The following CARNMT1 variants were observed in gnomAD, a reference collection of about 807,000 sequenced individuals.
CARNMT1 encodes the protein protein-L-histidine N-pros-methyltransferase CARNMT1.
In CARNMT1, 28 loss-of-function variants were observed where a neutral mutation model predicts 49.6. That is an observed-to-expected ratio of 0.56 (90% CI 0.42 to 0.77). CARNMT1 has a LOEUF of 0.77. Among genes scored for constraint, CARNMT1 ranks in the 30% least tolerant of loss-of-function variants. CARNMT1 has a pLI of 0.00. For synonymous variants in CARNMT1, 178 were observed against 175.0 expected, an observed-to-expected ratio of 1.02 and a Z score of -0.13; for missense variants, 421 against 512.6, an observed-to-expected ratio of 0.82 and a Z score of 1.73.
chr9:75,009,437 T>C (rs1466033426), intron 3 of CARNMT1, among the ~76,000 whole-genome samples: 6 of 152,022 alleles, frequency 3.9e-5, no homozygotes, highest in Non-Finnish European at 8.8e-5. Flanking sequence ...AAGTAACCCA[T>C]ACCAAGTATT....
chr9:75,014,611 A>G (rs1833791568), intron 3 of CARNMT1, among the ~76,000 whole-genome samples: 1 of 152,200 alleles, frequency 6.6e-6, no homozygotes, highest in Non-Finnish European at 1.5e-5. Flanking sequence ...TGGTGAATTC[A>G]AGTAAAAAGT....
chr9:75,027,868 G>C, intron 1 of CARNMT1, 144 bp downstream of exon 1: 1 of 919,750 alleles, frequency 1.1e-6, no homozygotes. Flanking sequence ...AGGTGACTCG[G>C]GGCCCGGAGG....
chr9:75,028,427 A>G (rs1365448669), upstream of CARNMT1: 10 of 1,279,372 alleles, frequency 7.8e-6, no homozygotes, highest in Non-Finnish European at 9.8e-6. Context: ...GGGCTCCCAG[A>G]ACCAATGCGC....
chr9:75,003,146 GACA>G (rs926547322), intron 3 of CARNMT1, among the ~76,000 whole-genome samples: 1 of 152,094 alleles, frequency 6.6e-6, no homozygotes, highest in Non-Finnish European at 1.5e-5. Context: ...ATTTCAGCCA[GACA>G]ACTTCTCACT....
At chr9:75,007,738 AAAATAAT>A (rs1475505450) in intron 3 of CARNMT1, among the ~76,000 whole-genome samples, 2 of 148,272 alleles carry the variant, frequency 1.3e-5, no homozygotes, top group Admixed American at 6.7e-5. Context: ...CAAAAAAATA[AAAATAAT>A]AAAAAAAAAA....
intron 1 of CARNMT1, among the ~76,000 whole-genome samples, chr9:75,023,594 T>C (rs1369832480): frequency 6.6e-6 from 1 of 152,212 alleles, no homozygotes; most frequent in Non-Finnish European, 1.5e-5. Context: ...TTAAAATAGG[T>C]GGGATCTTAC....
At chr9:74,989,502 T>G (rs1431120425) in intron 6 of CARNMT1, among the ~76,000 whole-genome samples, 4 of 152,156 alleles carry the variant, frequency 2.6e-5, no homozygotes, top group African/African-American at 9.7e-5. Flanking sequence ...CTTTAAAGAA[T>G]TTTTTTAATC....
At chr9:75,006,979 C>T (rs890874003) in intron 3 of CARNMT1, among the ~76,000 whole-genome samples, 6 of 152,078 alleles carry the variant, frequency 3.9e-5, no homozygotes, top group African/African-American at 1.4e-4. Context: ...TGAGTATAAA[C>T]AAAGTCATGT....
intron 1 of CARNMT1, among the ~76,000 whole-genome samples, chr9:75,026,139 TAA>T (rs1007683022): frequency 2.6e-5 from 4 of 152,132 alleles, no homozygotes; most frequent in African/African-American, 9.7e-5. Flanking sequence ...TATATACAAA[TAA>T]AAACTGTTTT....
upstream of CARNMT1, chr9:75,028,296 G>C (rs1174439828): frequency 7.5e-7 from 1 of 1,334,960 alleles, no homozygotes; most frequent in Non-Finnish European, 9.5e-7. Context: ...CCGACAGCGT[G>C]GTGGCGGCTG....
chr9:74,991,452 G>A (rs1301446218), intron 6 of CARNMT1, among the ~76,000 whole-genome samples: 2 of 151,968 alleles, frequency 1.3e-5, no homozygotes, highest in Non-Finnish European at 2.9e-5. Flanking sequence ...ACCTTGGTAC[G>A]TTTTATAGGC....
chr9:75,013,961 A>G (rs938596386), intron 3 of CARNMT1, among the ~76,000 whole-genome samples: 1 of 148,380 alleles, frequency 6.7e-6, no homozygotes, highest in Non-Finnish European at 1.5e-5. Flanking sequence ...ACAGAGCAAC[A>G]CTTTGTGTCA....
chr9:75,019,278 T>C (rs1833935495), intron 1 of CARNMT1, among the ~76,000 whole-genome samples: 1 of 152,210 alleles, frequency 6.6e-6, no homozygotes, highest in African/African-American at 2.4e-5. Flanking sequence ...AACCTGACTC[T>C]GGTATGGCAT....
chr9:75,028,365 C>A (rs1428814952), upstream of CARNMT1: 5 of 1,301,342 alleles, frequency 3.8e-6, no homozygotes, highest in African/African-American at 3.1e-5. Flanking sequence ...CGGCGCGCTC[C>A]GCCCCCGCCA....
rs1347325032 is a variant in CARNMT1 at position 74,982,222 on chromosome 9, T to A, written c.*1545A>T. 7.2e-5 allele frequency: 11 copies of A among 152,200 alleles called. No individual in the cohort carries two copies. The highest frequency in any genetic ancestry group is 7.2e-4 in the Admixed American group (11 of 15,280). 9.4% of individuals were successfully genotyped at this position (152,200 alleles called of 1,614,324 possible). ...CAACAAAGGTCTAAAGATTTACAAG[T>A]AACTTTTCCTATTAAAACATGACAT... On this transcript the variant is annotated 3_prime_UTR_variant, in exon 8 of 8. Coordinates refer to ENST00000376834, the MANE Select transcript of CARNMT1 (RefSeq NM_152420.3).
In CARNMT1 at chr9:74,986,620, C is replaced by T. The variant is rs142801080; in HGVS notation, c.1025-1610G>A. On this transcript the variant is annotated intron_variant, in intron 6 of 7. Coordinates refer to ENST00000376834, the MANE Select transcript of CARNMT1 (RefSeq NM_152420.3). Reference sequence around the variant, plus strand: ...AACATAGTTTTATTATCTCTACATACATACATATATTCCAATGATTTTTAC... The same window carrying T: ...AACATAGTTTTATTATCTCTACATATATACATATATTCCAATGATTTTTAC... Among the ~76,000 whole-genome samples the T allele has an allele frequency of 6.3e-3, 957 of 152,286 alleles. 8 individuals carry two copies. The highest frequency in any genetic ancestry group is 0.022 in the African/African-American group (910 of 41,564).
chr9:75,005,810 G>A (rs1490845922), intron 3 of CARNMT1, among the ~76,000 whole-genome samples: 2 of 137,996 alleles, frequency 1.4e-5, no homozygotes, highest in Admixed American at 1.5e-4. Context: ...ATTAGAAAAG[G>A]CCTTCAGTGA....
chr9:75,028,110 C>A lies in CARNMT1; in HGVS notation c.132G>T (p.Ser44=). Residue 44 remains serine, a synonymous_variant, in exon 1 of 8, where the codon TCG becomes TCT. Coordinates refer to ENST00000376834, the MANE Select transcript of CARNMT1 (RefSeq NM_152420.3). ...AGRWGSAAAV[S]AAAAAATRST... is the part of the protein sequence containing the mutation. ...TGCGCGTGGCCGCCGCCGCTGCCGC[C>A]GAAACCGCCGCGGCCGAGCCCCAAC... The A allele has an allele frequency of 6.4e-7, 1 of 1,557,220 alleles. No individual in the cohort carries two copies. The highest frequency in any genetic ancestry group is 8.7e-7 in the Non-Finnish European group (1 of 1,153,250).
At chr9:75,007,301 TG>T (rs981779552) in intron 3 of CARNMT1, among the ~76,000 whole-genome samples, 2 of 152,142 alleles carry the variant, frequency 1.3e-5, no homozygotes, top group Non-Finnish European at 2.9e-5. Flanking sequence ...AATGCAAGGG[TG>T]GTTCAACACA....
Sources: gnomAD v4.1 joint callset for allele counts (sites outside exome capture counted in the v4.1 genomes callset) on GRCh38, gnomAD v4.1.1 for gene constraint, MANE v1.5 for transcripts, NCBI Gene and HGNC (gene_info 2026-07-23, HGNC 2026-07-21) for gene names.